CCDC30: variants seen among roughly 807,000 people sequenced by gnomAD.
CCDC30 encodes coiled-coil domain-containing protein 30.
In CCDC30, 70 loss-of-function variants were observed where a neutral mutation model predicts 100.2. That is an observed-to-expected ratio of 0.70 (90% CI 0.58 to 0.85). The LOEUF (loss-of-function observed/expected upper bound fraction) is 0.85. Among genes scored for constraint, CCDC30 ranks in the 40% least tolerant of loss-of-function variants. CCDC30 has a pLI of 0.00. For synonymous variants in CCDC30, 233 were observed against 269.5 expected (o/e 0.86, Z 1.33); for missense variants, 652 against 771.2 (o/e 0.85, Z 1.83).
upstream of CCDC30, among the ~76,000 whole-genome samples, chr1:42,461,983 T>C (rs1643424424): frequency 6.6e-6 from 1 of 152,230 alleles, no homozygotes; most frequent in Admixed American, 6.5e-5. Flanking sequence ...CATAGCTTTA[T>C]GTGGATGATG....
rs143993678 is a variant in CCDC30, at chr1:42,509,588, T to C, written c.456+10672T>C. Among the ~76,000 whole-genome samples the C allele has an allele frequency of 7.9e-5, 12 of 152,268 alleles. No individual in the cohort carries two copies. In the East Asian group the frequency reaches 2.3e-3, roughly 29 times the overall value. On this transcript the variant is annotated intron_variant, in intron 6 of 16. Coordinates refer to ENST00000668663, the Ensembl canonical transcript of CCDC30. ...GTTACAGGTCATGTTCCGAAGGACA[T>C]AAAACAAGAAGAGGCCTGTAGCAAA...
At chr1:42,524,556 T>C (rs1414502519) in intron 6 of CCDC30, among the ~76,000 whole-genome samples, 2 of 152,148 alleles carry the variant, frequency 1.3e-5, no homozygotes, top group Admixed American at 1.3e-4. Context: ...TGACTCTGTC[T>C]GTACCTACAT....
At chr1:42,623,800 T>C (rs1321828789) in intron 11 of CCDC30, among the ~76,000 whole-genome samples, 1 of 152,220 alleles carries the variant, frequency 6.6e-6, no homozygotes, top group Non-Finnish European at 1.5e-5. Flanking sequence ...AGGGATTGCA[T>C]TGAATCTGTA....
At chr1:42,495,186 A>T (rs1644211937) in intron 4 of CCDC30, among the ~76,000 whole-genome samples, 1 of 151,446 alleles carries the variant, frequency 6.6e-6, no homozygotes, top group Admixed American at 6.6e-5. Context: ...ATAAAAAATG[A>T]TGAGTTCATG....
intron 10 of CCDC30, among the ~76,000 whole-genome samples, chr1:42,609,635 C>G (rs1012996503): frequency 7.2e-5 from 11 of 152,196 alleles, no homozygotes; most frequent in Admixed American, 6.5e-5. Flanking sequence ...ACACTTAACC[C>G]CAACTAACCA....
At chr1:42,476,620 G>A (rs1388002091) in intron 1 of CCDC30, among the ~76,000 whole-genome samples, 1 of 151,634 alleles carries the variant, frequency 6.6e-6, no homozygotes, top group Admixed American at 6.6e-5. Context: ...AACCTGGGAG[G>A]CAGAGGTTGT....
intron 10 of CCDC30, among the ~76,000 whole-genome samples, chr1:42,601,332 A>G (rs1368377564): frequency 2.6e-5 from 4 of 152,196 alleles, no homozygotes; most frequent in Non-Finnish European, 4.4e-5. Context: ...GAAGGGAGAA[A>G]AACCCCTGAA....
intron 15 of CCDC30, among the ~76,000 whole-genome samples, chr1:42,652,610 C>T (rs1227507689): frequency 2.6e-5 from 4 of 152,050 alleles, no homozygotes; most frequent in Non-Finnish European, 5.9e-5. Flanking sequence ...TTCATAATAA[C>T]TAAAAAGTGA....
At chr1:42,613,235 C>A (rs1228109684) in intron 11 of CCDC30, among the ~76,000 whole-genome samples, 1 of 132,362 alleles carries the variant, frequency 7.6e-6, no homozygotes, top group East Asian at 2.2e-4. Flanking sequence ...GTGGATTATT[C>A]ACGTGCTTTA....
intron 12 of CCDC30, among the ~76,000 whole-genome samples, chr1:42,641,978 CA>C (rs1443765612): frequency 2.0e-5 from 3 of 152,080 alleles, no homozygotes; most frequent in Admixed American, 1.3e-4. Flanking sequence ...GTAATCCCAG[CA>C]ATTTGGGAGG....
chr1:42,604,215 C>T (rs970397836), intron 10 of CCDC30, among the ~76,000 whole-genome samples: 24 of 152,236 alleles, frequency 1.6e-4, no homozygotes, highest in African/African-American at 4.1e-4. Flanking sequence ...GCAAGACCCA[C>T]GCTCTAAAAA....
chr1:42,592,177 G>T (rs1175000802), intron 10 of CCDC30: 1 of 152,158 alleles, frequency 6.6e-6, no homozygotes, highest in Non-Finnish European at 1.5e-5. Flanking sequence ...GGGGACTATT[G>T]GTAGGGAATG....
chr1:42,514,296 A>G (rs1644522200), intron 6 of CCDC30, among the ~76,000 whole-genome samples: 2 of 152,306 alleles, frequency 1.3e-5, no homozygotes, highest in South Asian at 2.1e-4. Flanking sequence ...CTAACTCTAC[A>G]TTTAACCTTC....
intron 11 of CCDC30, among the ~76,000 whole-genome samples, chr1:42,633,967 G>A (rs1647092197): frequency 6.6e-6 from 1 of 151,920 alleles, no homozygotes; most frequent in Non-Finnish European, 1.5e-5. Context: ...CTGAGTAAAA[G>A]GGGAAAAACC....
chr1:42,613,324 G>C (rs1229618327), intron 11 of CCDC30, among the ~76,000 whole-genome samples: 2 of 152,038 alleles, frequency 1.3e-5, no homozygotes, highest in Admixed American at 1.3e-4. Context: ...GCACGATCTC[G>C]GCTCACTGCA....
intron 10 of CCDC30, among the ~76,000 whole-genome samples, chr1:42,597,825 A>G (rs970568905): frequency 6.8e-6 from 1 of 146,492 alleles, no homozygotes; most frequent in Non-Finnish European, 1.5e-5. Flanking sequence ...TGATCATGCC[A>G]CTGCATTCCA....
chr1:42,601,454 C>T (rs1385177850), intron 10 of CCDC30, among the ~76,000 whole-genome samples: 32 of 152,166 alleles, frequency 2.1e-4, no homozygotes, highest in Admixed American at 2.1e-3. Flanking sequence ...TCTGCACCAC[C>T]ATGCTGTATG....
chr1:42,528,011 GC>G (rs1389944101), intron 6 of CCDC30, among the ~76,000 whole-genome samples: 3 of 151,994 alleles, frequency 2.0e-5, no homozygotes, highest in Admixed American at 2.0e-4. Flanking sequence ...GATTACAGGT[GC>G]CCACCACCAC....
At chr1:42,606,314 T>C (rs1179931021) in intron 10 of CCDC30, among the ~76,000 whole-genome samples, 1 of 152,234 alleles carries the variant, frequency 6.6e-6, no homozygotes, top group African/African-American at 2.4e-5. Flanking sequence ...ATTCTCACTC[T>C]GTTGCCGAGC....
Sources: gnomAD v4.1 joint callset for allele counts (sites outside exome capture counted in the v4.1 genomes callset) on GRCh38, gnomAD v4.1.1 for gene constraint, MANE v1.5 for transcripts, NCBI Gene and HGNC (gene_info 2026-07-23, HGNC 2026-07-21) for gene names.